The following SLC4A4 variants were observed in gnomAD, a reference collection of about 807,000 sequenced individuals.
SLC4A4 encodes solute carrier family 4 member 4, also known as electrogenic sodium bicarbonate cotransporter 1.
Under a neutral mutation model 111.5 loss-of-function variants are expected in SLC4A4, and 27 were observed. The ratio of observed to expected loss-of-function variants is 0.24; its 90% CI spans 0.18 to 0.33. The LOEUF is 0.33. Ranked by LOEUF, SLC4A4 falls within the 10% of genes least tolerant of loss-of-function variation. The pLI is 1.00. For synonymous variants in SLC4A4, 443 were observed against 463.4 expected (o/e 0.96, Z 0.57); for missense variants, 909 against 1,315.5 (o/e 0.69, Z 4.78).
intron 4 of SLC4A4, among the ~76,000 whole-genome samples, chr4:71,341,429 G>T (rs1728898195): frequency 6.6e-6 from 1 of 152,092 alleles, no homozygotes; most frequent in Admixed American, 6.5e-5. Context: ...GACTTAGAAA[G>T]AAATTCTAGA....
intron 6 of SLC4A4, among the ~76,000 whole-genome samples, chr4:71,363,412 C>T (rs1578923988): frequency 6.6e-6 from 1 of 152,234 alleles, no homozygotes; most frequent in Non-Finnish European, 1.5e-5. Flanking sequence ...CTTTCTCGTT[C>T]CCTTTAGAAA....
chr4:71,397,455 G>A, intron 6 of SLC4A4, 122 bp from the exon 7 acceptor site: 1 of 868,304 alleles, frequency 1.2e-6, no homozygotes, highest in East Asian at 2.5e-5. Context: ...AAGAATCCTA[G>A]TGTGGTTAAA....
chr4:71,469,210 T>C (rs779269276), intron 13 of SLC4A4, among the ~76,000 whole-genome samples: 1 of 151,974 alleles, frequency 6.6e-6, no homozygotes, highest in Non-Finnish European at 1.5e-5. Context: ...TGAAAGATGT[T>C]TCAGCAATGT....
At chr4:71,261,983 G>A (rs1721890486) in intron 3 of SLC4A4, among the ~76,000 whole-genome samples, 1 of 152,142 alleles carries the variant, frequency 6.6e-6, no homozygotes. Flanking sequence ...ATTTCAGTGT[G>A]AAATTTACTT....
At chr4:71,301,928 C>G (rs1311049143) in intron 3 of SLC4A4, among the ~76,000 whole-genome samples, 3 of 152,222 alleles carry the variant, frequency 2.0e-5, no homozygotes, top group Admixed American at 1.3e-4. Flanking sequence ...ATCTTCCCCA[C>G]CAAACTTCTG....
At chr4:71,177,989 A>T (rs535350922) in intron 2 of SLC4A4, among the ~76,000 whole-genome samples, 16 of 152,368 alleles carry the variant, frequency 1.1e-4, no homozygotes, top group Non-Finnish European at 2.2e-4. Context: ...CTCTTAGACC[A>T]CAGTGCAATC....
At chr4:71,470,401 G>T (rs1727758357) in intron 13 of SLC4A4, among the ~76,000 whole-genome samples, 1 of 151,998 alleles carries the variant, frequency 6.6e-6, no homozygotes, top group South Asian at 2.1e-4. Context: ...AAAAACAAAA[G>T]ACATTGACTT....
At chr4:71,435,840 A>G (rs962871250) in intron 7 of SLC4A4, among the ~76,000 whole-genome samples, 6 of 152,246 alleles carry the variant, frequency 3.9e-5, no homozygotes, top group African/African-American at 1.4e-4. Flanking sequence ...AAGAAATGCA[A>G]ATCAAAACCA....
intron 2 of SLC4A4, among the ~76,000 whole-genome samples, chr4:71,169,532 A>G (rs112312664): frequency 0.039 from 5,907 of 152,142 alleles, 376 homozygotes; most frequent in African/African-American, 0.14. Flanking sequence ...TCTTTTGCCC[A>G]TTTTTAAATT....
At chr4:71,422,948 C>A (rs1281391064) in intron 7 of SLC4A4, among the ~76,000 whole-genome samples, 5 of 152,194 alleles carry the variant, frequency 3.3e-5, no homozygotes, top group Non-Finnish European at 5.9e-5. Flanking sequence ...TGCCCTCTCT[C>A]ACCACTCCTA....
intron 3 of SLC4A4, among the ~76,000 whole-genome samples, chr4:71,295,914 C>T (rs928985986): frequency 1.3e-5 from 2 of 151,976 alleles, no homozygotes; most frequent in Non-Finnish European, 2.9e-5. Flanking sequence ...CCAGCCTTGG[C>T]CTCCCAAAGT....
chr4:71,103,441 T>C (rs1298106729), intron 2 of SLC4A4, among the ~76,000 whole-genome samples: 1 of 152,034 alleles, frequency 6.6e-6, no homozygotes, highest in Non-Finnish European at 1.5e-5. Context: ...TCTACAGAAC[T>C]CTCCACCCCA....
rs1466911375 is a variant in SLC4A4 at position 71,560,354 on chromosome 4, A to G, written c.3099+100A>G. On this transcript the variant is annotated intron_variant, in intron 23 of 25. Transcript: ENST00000264485. ...ATGTGAAATGGAGGGCTGAGTTCTA[A>G]GAATGTTTATCTGGACATGTGGTGT... 39 of 1,326,288 alleles carry G rather than the reference A, an allele frequency of 2.9e-5. No individual in the cohort carries two copies. The East Asian group carries it at 9.6e-4, about 33-fold the overall frequency. 82.2% of individuals were successfully genotyped at this position (1,326,288 alleles called of 1,614,324 possible).
intron 15 of SLC4A4, among the ~76,000 whole-genome samples, chr4:71,496,772 G>T (rs371661277): frequency 2.0e-5 from 3 of 152,122 alleles, no homozygotes; most frequent in African/African-American, 2.4e-5. Flanking sequence ...AGCCATACAT[G>T]AAAACTGACC....
At chr4:71,157,128 G>A (rs1744499724) in intron 2 of SLC4A4, among the ~76,000 whole-genome samples, 1 of 152,076 alleles carries the variant, frequency 6.6e-6, no homozygotes, top group Non-Finnish European at 1.5e-5. Flanking sequence ...ATTATGGAAG[G>A]TCTGCAAACC....
At chr4:71,351,769 A>G (rs947777863) in intron 5 of SLC4A4, among the ~76,000 whole-genome samples, 14 of 152,160 alleles carry the variant, frequency 9.2e-5, no homozygotes, top group Non-Finnish European at 1.8e-4. Context: ...TATTTTATAC[A>G]TTTATTCAGC....
At chr4:71,193,659 G>A (rs1745856492) in intron 1 of SLC4A4, among the ~76,000 whole-genome samples, 1 of 152,130 alleles carries the variant, frequency 6.6e-6, no homozygotes, top group Non-Finnish European at 1.5e-5. Context: ...TTGTATCACA[G>A]TGTAGTTTTA....
chr4:71,462,267 C>T (rs531617509), intron 12 of SLC4A4, among the ~76,000 whole-genome samples: 1 of 152,036 alleles, frequency 6.6e-6, no homozygotes, highest in Non-Finnish European at 1.5e-5. Flanking sequence ...ATTGATTTTA[C>T]AGAAGAGAAG....
chr4:71,083,865 C>T (rs1742066689), intron 1 of SLC4A4, among the ~76,000 whole-genome samples: 1 of 145,332 alleles, frequency 6.9e-6, no homozygotes, highest in African/African-American at 2.6e-5. Context: ...TCATATAGAA[C>T]TTGTAGTGCA....
Sources: gnomAD v4.1 joint callset for allele counts (sites outside exome capture counted in the v4.1 genomes callset) on GRCh38, gnomAD v4.1.1 for gene constraint, MANE v1.5 for transcripts, NCBI Gene and HGNC (gene_info 2026-07-23, HGNC 2026-07-21) for gene names.